The following DLST variants were observed in gnomAD, a reference collection of about 807,000 sequenced individuals.
DLST encodes the protein dihydrolipoyllysine-residue succinyltransferase component of 2-oxoglutarate dehydrogenase complex, mitochondrial.
In DLST, 17 loss-of-function variants were observed where a neutral mutation model predicts 53.1. The observed-to-expected ratio is 0.32, with a 90% CI of 0.22 to 0.48. The LOEUF is 0.48. DLST is among the 20% of genes least tolerant of loss of function. DLST has a pLI of 0.99. For synonymous variants in DLST, 206 were observed against 204.8 expected, an observed-to-expected ratio of 1.01 and a Z score of -0.05; for missense variants, 512 against 583.9, an observed-to-expected ratio of 0.88 and a Z score of 1.27.
At chr14:74,900,491 C>CTA in intron 13 of DLST, 119 bp downstream of exon 13, 1 of 837,188 alleles carries the variant, frequency 1.2e-6, no homozygotes, top group Non-Finnish European at 2.0e-6. Flanking sequence ...CTGAGAAAAG[C>CTA]AGTTGCCCAT....
At chr14:74,891,815 A>G in intron 7 of DLST, 1 of 985,428 alleles carries the variant, frequency 1.0e-6, no homozygotes, top group Non-Finnish European at 1.2e-6. Context: ...TCACTGTTAC[A>G]CTAATAAGGC....
At position 74,891,049 on chromosome 14, in the gene DLST, C is replaced by T. The variant is rs1248965487; in HGVS notation, c.331-7C>T. 2 of 1,605,866 alleles carry T rather than the reference C, an allele frequency of 1.2e-6. No individual in the cohort carries two copies. Among genetic ancestry groups the T allele is most frequent in the African/African-American group, 2.7e-5 (2 of 74,810 alleles). ...TTGGACTTCCTCCATCTGTCTTCCT[C>T]TTCCAGACATCTGTGCAGGTTCCAT... On this transcript the variant is annotated splice_polypyrimidine_tract_variant and splice_region_variant and intron_variant, in intron 6 of 14. Coordinates refer to ENST00000334220, the MANE Select transcript of DLST (RefSeq NM_001933.5).
At chr14:74,894,484 A>G (rs112787182) in intron 10 of DLST, 75 bp downstream of exon 10, 47 of 1,393,560 alleles carry the variant, frequency 3.4e-5, no homozygotes, top group African/African-American at 2.9e-4. Context: ...CTCCTTATCT[A>G]GTGCTGATTC....
chr14:74,885,292 C>T (rs1175527344), intron 2 of DLST, among the ~76,000 whole-genome samples: 2 of 152,182 alleles, frequency 1.3e-5, no homozygotes, highest in African/African-American at 4.8e-5. Flanking sequence ...ATGAAAAGTT[C>T]TGGCTTTTTA....
chr14:74,893,540 G>A (rs2140196079), intron 9 of DLST, 116 bp downstream of exon 9: 3 of 1,101,182 alleles, frequency 2.7e-6, no homozygotes, highest in Non-Finnish European at 2.7e-6. Context: ...CCTCAACCTT[G>A]ATAAAGGGAG....
chr14:74,894,477 C>G, intron 10 of DLST, 68 bp downstream of exon 10: 1 of 1,448,752 alleles, frequency 6.9e-7, no homozygotes, highest in Non-Finnish European at 9.6e-7. Context: ...TGCCCCACTC[C>G]TTATCTAGTG....
chr14:74,889,863 C>T (rs757479851), intron 5 of DLST, 34 bp from the exon 6 acceptor site: 2 of 1,611,898 alleles, frequency 1.2e-6, no homozygotes, highest in East Asian at 2.2e-5. Flanking sequence ...TCCCCGCTAA[C>T]AGGTAGCCTT....
intron 7 of DLST, 73 bp from the exon 8 acceptor site, chr14:74,892,761 T>C: frequency 1.3e-6 from 2 of 1,483,608 alleles, no homozygotes; most frequent in Non-Finnish European, 1.8e-6. Flanking sequence ...GCTAGAGTTT[T>C]TGCCACTAAA....
intron 10 of DLST, 24 bp from the exon 11 acceptor site, chr14:74,898,334 CTTTGTGGTCAG>C (rs773705662): frequency 5.0e-6 from 8 of 1,601,342 alleles, no homozygotes; most frequent in Middle Eastern, 4.6e-4. Context: ...AAAATGCAGG[CTTTGTGGTCAG>C]TTTGTTTTGT....
rs573454371 is a variant in DLST, at chr14:74,887,795, G to A, written c.147-1300G>A. The stretch of plus-strand genomic sequence containing the variant: ...TTTACAAGGTTACAAACTATATGTA[G>A]AACAATTTGTATTCTTGTAGTTTTT... On this transcript the variant is annotated intron_variant, in intron 3 of 14. Transcript: ENST00000334220. Among the ~76,000 whole-genome samples, 5 of 152,262 alleles carry A rather than the reference G, an allele frequency of 3.3e-5. No homozygotes were observed. The East Asian group carries it at 9.6e-4, about 29-fold the overall frequency.
chr14:74,882,034 C>A lies in DLST; in HGVS notation c.63+18C>A. 6.5e-7 allele frequency: 1 copy of A among 1,539,268 alleles called. No homozygotes were observed. Among genetic ancestry groups the A allele is most frequent in the Middle Eastern group, 1.9e-4 (1 of 5,326 alleles). ...TCCAGAAGGTACGGTCTGGCCGAGCCGGGGCCCCGACGGGTGAGGAGTCTG... is the reference window on the plus strand; with the variant it reads ...TCCAGAAGGTACGGTCTGGCCGAGCAGGGGCCCCGACGGGTGAGGAGTCTG... On this transcript the variant is annotated intron_variant, in intron 1 of 14. Coordinates refer to ENST00000334220, the MANE Select transcript of DLST (RefSeq NM_001933.5).
At chr14:74,901,678 C>T (rs2140204624) in intron 14 of DLST, among the ~76,000 whole-genome samples, 1 of 152,246 alleles carries the variant, frequency 6.6e-6, no homozygotes, top group African/African-American at 2.4e-5. Flanking sequence ...CTTGAGCTGG[C>T]CCTTAGAAGA....
At chr14:74,901,457 G>A (rs911734360) in intron 14 of DLST, among the ~76,000 whole-genome samples, 2 of 152,180 alleles carry the variant, frequency 1.3e-5, no homozygotes, top group African/African-American at 2.4e-5. Flanking sequence ...TAAAGAAGAA[G>A]TGCAGATGAT....
At chr14:74,888,435 G>C (rs1319319625) in intron 3 of DLST, among the ~76,000 whole-genome samples, 1 of 151,960 alleles carries the variant, frequency 6.6e-6, no homozygotes, top group Non-Finnish European at 1.5e-5. Context: ...ATCTATCTCG[G>C]ATTTAGTTAA....
Sources: allele counts gnomAD v4.1 joint callset (sites outside exome capture counted in the v4.1 genomes callset), GRCh38; gene constraint gnomAD v4.1.1; transcripts MANE v1.5; gene names NCBI Gene and HGNC (gene_info 2026-07-23, HGNC 2026-07-21).